Variants in TMPRSS6 observed in about 807,000 individuals in gnomAD.
TMPRSS6 encodes transmembrane serine protease 6, also known as transmembrane protease serine 6.
A neutral mutation model predicts 101.5 loss-of-function variants in TMPRSS6; 67 were observed. The observed-to-expected ratio is 0.66, with a 90% CI of 0.54 to 0.81. The LOEUF is 0.81. TMPRSS6 is among the 30% of genes least tolerant of loss of function. The probability of loss-of-function intolerance (pLI) is 0.00; values close to 1 mark genes in which losing one functional copy is unlikely to be tolerated. For synonymous variants in TMPRSS6, 453 were observed against 464.9 expected, an observed-to-expected ratio of 0.97 and a Z score of 0.33; for missense variants, 1,034 against 1,088.7, an observed-to-expected ratio of 0.95 and a Z score of 0.71.
chr22:37,081,774 A>C lies in TMPRSS6; in HGVS notation c.1196+2521T>G, dbSNP rs138359356. The stretch of plus-strand genomic sequence containing the variant: ...CAGAAAAGACAGGGACAAGAGGCCA[A>C]GTCCTTAGCCCTCGCTGGTCCCAGT... On this transcript the variant is annotated intron_variant, in intron 10 of 17. Coordinates refer to ENST00000676104, the MANE Select transcript of TMPRSS6 (RefSeq NM_001374504.1). 7.9e-5 allele frequency among the ~76,000 whole-genome samples: 12 copies of C among 152,336 alleles called. No individual in the cohort carries two copies. In the East Asian group the frequency reaches 2.3e-3, roughly 29 times the overall value.
intron 7 of TMPRSS6, 32 bp downstream of exon 7, chr22:37,089,546 C>CCAACCAA: frequency 1.5e-6 from 2 of 1,306,290 alleles, no homozygotes; most frequent in Non-Finnish European, 2.2e-6. Context: ...CTTTTCCAGC[C>CCAACCAA]CTCCCTCCTG....
At chr22:37,090,159 G>A (rs1431098740) in intron 6 of TMPRSS6, among the ~76,000 whole-genome samples, 1 of 152,232 alleles carries the variant, frequency 6.6e-6, no homozygotes, top group Non-Finnish European at 1.5e-5. Flanking sequence ...GCATCCTGGG[G>A]GTCCCTGCGT....
At position 37,066,038 on chromosome 22, in the gene TMPRSS6, T is replaced by C. The variant is rs1392048542; in HGVS notation, c.*42A>G. On this transcript the variant is annotated 3_prime_UTR_variant, in exon 18 of 18. Transcript: ENST00000676104. ...TGCTTGGCAGTTGCCCTGGGCTCTC[T>C]GAGTCCAGGAGGTGGGCCCTGCTTT... 27 of 1,611,918 alleles carry C rather than the reference T, an allele frequency of 1.7e-5. No individual in the cohort carries two copies. Among genetic ancestry groups the C allele is most frequent in the Non-Finnish European group, 2.2e-5 (26 of 1,179,138 alleles).
rs763966214 is a variant in TMPRSS6, at chr22:37,066,819, G to T, written c.2250+7C>A. The T allele has an allele frequency of 3.3e-5, 54 of 1,614,032 alleles. No homozygotes were observed. Among genetic ancestry groups the T allele is most frequent in the Non-Finnish European group, 4.6e-5 (54 of 1,180,040 alleles). ...TCCTCTCTCCCTCCCATGCCCGGGG[G>T]ACTCACCTGACAGGCATCCTTCTTG... On this transcript the variant is annotated splice_region_variant and intron_variant, in intron 17 of 17. Transcript: ENST00000676104.
chr22:37,073,996 G>C (rs375358859), intron 12 of TMPRSS6, among the ~76,000 whole-genome samples: 2 of 152,014 alleles, frequency 1.3e-5, no homozygotes, highest in African/African-American at 4.8e-5. Context: ...TGATCCGCTC[G>C]ACTCCGCCTC....
intron 11 of TMPRSS6, 66 bp from the exon 12 acceptor site, chr22:37,074,774 C>T (rs1927465403): frequency 1.7e-5 from 26 of 1,530,266 alleles, no homozygotes; most frequent in Non-Finnish European, 2.1e-5. Context: ...GCCGCGAAGG[C>T]GCACAAAGAC....
At chr22:37,078,667 G>C (rs1400239773) in intron 10 of TMPRSS6, among the ~76,000 whole-genome samples, 2 of 145,662 alleles carry the variant, frequency 1.4e-5, no homozygotes, top group East Asian at 2.0e-4. Flanking sequence ...CCAGATTCCT[G>C]CTCCTTTAGA....
Position 37,069,111 on chromosome 22 carries a change from T to C in TMPRSS6, c.2075A>G (p.His692Arg), listed in dbSNP as rs759900161. The part of the protein sequence containing the change: ...ARSHFFEPGL[H>R]CWITGWGALR... The stretch of plus-strand genomic sequence containing the variant: ...GGCGCCCCAGCCCGTAATCCAGCAG[T>C]GCAGGCCGGGCTCGAAGAAGTGGGA... Residue 692 changes from histidine to arginine, a missense_variant, in exon 16 of 18, where the codon CAC becomes CGC. His to Arg is a conservative substitution (Grantham distance 29). Coordinates refer to ENST00000676104, the MANE Select transcript of TMPRSS6 (RefSeq NM_001374504.1). This position sits in a 1 kb window ranked among gnomAD's most constrained non-coding sequence, Gnocchi z 4.8. 3 of 1,558,320 alleles carry C rather than the reference T, an allele frequency of 1.9e-6. No individual in the cohort carries two copies. The highest frequency in any genetic ancestry group is 1.4e-5 in the African/African-American group (1 of 73,508).
rs1380526318 is a variant in TMPRSS6 at position 37,070,905 on chromosome 22, G to A, written c.1672+11C>T. 4 of 1,611,652 alleles carry A rather than the reference G, an allele frequency of 2.5e-6. No individual in the cohort carries two copies. The highest frequency in any genetic ancestry group is 2.2e-5 in the East Asian group (1 of 44,870). On this transcript the variant is annotated intron_variant, in intron 14 of 17. Transcript: ENST00000676104. Reference sequence around the variant, plus strand: ...CAAGCTCCAGGGCCCCGGCAGCCAGGCAGGGCTCACCACAGTGCTCCTCAT... The same window carrying A: ...CAAGCTCCAGGGCCCCGGCAGCCAGACAGGGCTCACCACAGTGCTCCTCAT...
chr22:37,070,306 G>C (rs1158086027), intron 15 of TMPRSS6, among the ~76,000 whole-genome samples, 178 bp downstream of exon 15: 1 of 152,188 alleles, frequency 6.6e-6, no homozygotes, highest in African/African-American at 2.4e-5. Context: ...GGAACAATGT[G>C]TCCGGGGACC....
chr22:37,091,264 C>T (rs1381437051), intron 6 of TMPRSS6, among the ~76,000 whole-genome samples: 1 of 152,190 alleles, frequency 6.6e-6, no homozygotes, highest in Non-Finnish European at 1.5e-5. Context: ...AGGAATGAAC[C>T]TGGGATGTGG....
chr22:37,082,535 T>G, intron 10 of TMPRSS6: 1 of 168,704 alleles, frequency 5.9e-6, no homozygotes, highest in Non-Finnish European at 1.3e-5. Flanking sequence ...TGAGCGGGGG[T>G]GAAGCCAGCC....
chr22:37,107,812 G>T (rs1278780507), intron 1 of TMPRSS6, among the ~76,000 whole-genome samples: 1 of 152,170 alleles, frequency 6.6e-6, no homozygotes, highest in African/African-American at 2.4e-5. Flanking sequence ...TCTCCAGAGA[G>T]GCCTTCCCTG....
intron 11 of TMPRSS6, 103 bp from the exon 12 acceptor site, chr22:37,074,811 G>A (rs139616588): frequency 3.7e-5 from 44 of 1,188,890 alleles, no homozygotes; most frequent in Middle Eastern, 2.3e-4. Context: ...ACTCACACGC[G>A]CATGGACAGG....
At position 37,084,394 on chromosome 22, in the gene TMPRSS6, A is replaced by C; in HGVS notation, c.1097T>G (p.Leu366Arg). The C allele has an allele frequency of 6.2e-7, 1 of 1,612,058 alleles. No individual in the cohort carries two copies. Among genetic ancestry groups the C allele is most frequent in the Non-Finnish European group, 8.5e-7 (1 of 1,179,060 alleles). The part of the protein sequence containing the change: ...HCSWHLTVPS[L>R]DYGLALWFDA... ...AAACCAGAGGGCCAAGCCGTAGTCCAGAGAGGGCACCTGGGAGGGAGGAGC... is the reference window on the plus strand; with the variant it reads ...AAACCAGAGGGCCAAGCCGTAGTCCCGAGAGGGCACCTGGGAGGGAGGAGC... The change falls in exon 10 of 18, where the codon CTG becomes CGG. Residue 366 changes from leucine to arginine, a missense_variant. Physicochemically the swap from Leu to Arg is moderately radical, Grantham distance 102 (BLOSUM62 -2). Transcript: ENST00000676104.
At chr22:37,084,169 C>T in intron 10 of TMPRSS6, 126 bp downstream of exon 10, 1 of 844,102 alleles carries the variant, frequency 1.2e-6, no homozygotes, top group African/African-American at 1.7e-5. Context: ...CCAGCCTCTG[C>T]TCGCTCCCCT....
chr22:37,098,583 G>A (rs760788483), intron 2 of TMPRSS6, 34 bp from the exon 3 acceptor site: 4 of 1,613,870 alleles, frequency 2.5e-6, no homozygotes, highest in African/African-American at 2.7e-5. Flanking sequence ...GTTAGTGGAG[G>A]AAGCAGGTGG....
intron 10 of TMPRSS6, among the ~76,000 whole-genome samples, chr22:37,078,785 AAGAAGAAGG>A (rs1257612556): frequency 8.4e-5 from 2 of 23,770 alleles, no homozygotes; most frequent in African/African-American, 1.0e-3. Context: ...GGAGGAGGAG[AAGAAGAAGG>A]AGGAGGAGGA....
At chr22:37,067,087 C>T in intron 16 of TMPRSS6, 125 bp from the exon 17 acceptor site, 1 of 1,423,944 alleles carries the variant, frequency 7.0e-7, no homozygotes, top group Non-Finnish European at 9.6e-7. Flanking sequence ...CACCCTTACC[C>T]CTGCTAGGGT....
Sources: gnomAD v4.1 joint callset for allele counts (sites outside exome capture counted in the v4.1 genomes callset) on GRCh38, gnomAD v4.1.1 for gene constraint, Gnocchi (gnomAD v3.1) non-coding constraint, MANE v1.5 for transcripts, NCBI Gene and HGNC (gene_info 2026-07-23, HGNC 2026-07-21) for gene names.